Variants in ABCA7 observed in about 807,000 individuals in gnomAD.
ABCA7 encodes the protein ATP binding cassette subfamily A member 7.
A neutral mutation model predicts 227.6 loss-of-function variants in ABCA7; 261 were observed. That is an observed-to-expected ratio of 1.15 (90% CI 1.04 to 1.27). ABCA7 has a LOEUF of 1.27. Ranked by LOEUF, ABCA7 falls within the 50% of genes most tolerant of loss-of-function variation. The probability of loss-of-function intolerance (pLI) is 0.00; values close to 1 mark genes in which losing one functional copy is unlikely to be tolerated. For synonymous variants in ABCA7, 1,488 were observed against 1,279.7 expected, an observed-to-expected ratio of 1.16 and a Z score of -3.47; for missense variants, 3,331 against 2,924.5, an observed-to-expected ratio of 1.14 and a Z score of -3.21.
chr19:1,047,159 G>T lies in ABCA7; in HGVS notation c.1848G>T (p.Leu616=). ...TAAGCTCCCGTTGCCTCTCACAGCT[G>T]GGAGACATCCTCCCCTACAGCCACC... The part of the protein sequence containing the change: ...SAALLVLVLK[L]GDILPYSHPG... Residue 616 remains leucine, a splice_region_variant and synonymous_variant, in exon 15 of 47, where the codon CTG becomes CTT. Coordinates refer to ENST00000263094, the MANE Select transcript of ABCA7 (RefSeq NM_019112.4). 1 of 1,601,546 alleles carries T rather than the reference G, an allele frequency of 6.2e-7. No individual in the cohort carries two copies.
At chr19:1,046,728 G>A (rs563168125) in intron 13 of ABCA7, 74 bp from the exon 14 acceptor site, 16 of 1,427,470 alleles carry the variant, frequency 1.1e-5, no homozygotes, top group Non-Finnish European at 1.4e-5. Context: ...ACACGAACCA[G>A]TCGTGCCAGA....
At position 1,065,073 on chromosome 19, in the gene ABCA7, G is replaced by A; in HGVS notation, c.6187G>A (p.Gly2063Arg). Reference sequence around the variant, plus strand: ...CCTGCGCTTCCAGCTGCCGCCGGGAGGGCGCTGCGCCCTGGCGCGCGTCTT... The same window carrying A: ...CCTGCGCTTCCAGCTGCCGCCGGGAAGGCGCTGCGCCCTGGCGCGCGTCTT... ...GRLRFQLPPG[G>R]RCALARVFGE... is the part of the protein sequence containing the mutation. The change falls in exon 46 of 47, where the codon GGG becomes AGG. Residue 2063 changes from glycine (G) to arginine (R), a missense_variant. Gly to Arg is a moderately radical substitution (Grantham distance 125, BLOSUM62 -2). Coordinates refer to ENST00000263094, the MANE Select transcript of ABCA7 (RefSeq NM_019112.4). The A allele has an allele frequency of 6.4e-7, 1 of 1,567,594 alleles. No homozygotes were observed. The highest frequency in any genetic ancestry group is 8.6e-7 in the Non-Finnish European group (1 of 1,157,834).
At chr19:1,049,481 ACCCCGTGAGCCCCCCCACCACTCCCT>A in intron 18 of ABCA7, 44 bp downstream of exon 18, 1 of 254,352 alleles carries the variant, frequency 3.9e-6, no homozygotes, top group African/African-American at 8.4e-5. Flanking sequence ...CCCCACTCCC[ACCCCGTGAGCCCCCCCACCACTCCCT>A]CCCCGTGAGC....
Position 1,063,643 on chromosome 19 carries a change from C to G in ABCA7, c.5812C>G (p.Leu1938Val), listed in dbSNP as rs1475633133. ...GAACAAACGCAAGCTGGCGACGGCCCTGGCGCTGGTTGGGGACCCAGCCGT... is the reference window on the plus strand; with the variant it reads ...GAACAAACGCAAGCTGGCGACGGCCGTGGCGCTGGTTGGGGACCCAGCCGT... ...GGNKRKLATA[L>V]ALVGDPAVVF... is the part of the protein sequence containing the mutation. The change falls in exon 43 of 47, where the codon CTG becomes GTG. Residue 1938 changes from leucine (L) to valine (V), a missense_variant. Transcript: ENST00000263094. 2 of 1,610,474 alleles carry G rather than the reference C, an allele frequency of 1.2e-6. No individual in the cohort carries two copies. The highest frequency in any genetic ancestry group is 1.3e-5 in the African/African-American group (1 of 75,046).
At position 1,054,614 on chromosome 19, in the gene ABCA7, C is replaced by A. The variant is rs748324986; in HGVS notation, c.3771C>A (p.Ser1257Arg). The A allele has an allele frequency of 6.2e-7, 1 of 1,613,324 alleles. No homozygotes were observed. Among genetic ancestry groups the A allele is most frequent in the East Asian group, 2.2e-5 (1 of 44,868 alleles). The change falls in exon 28 of 47, where the codon AGC becomes AGA. Residue 1257 changes from serine (S) to arginine (R), a missense_variant. Transcript: ENST00000263094. The surrounding 1 kb of genome is among the most constrained non-coding windows in gnomAD (Gnocchi z 4.8). ...ALFVGLALVF[S>R]LIVPPFGHYP... ...TTGTGGGCCTGGCCCTCGTGTTCAG[C>A]CTCATCGTGCCTCCTTTCGGGCACT...
rs1294797669 is a variant in ABCA7, at chr19:1,054,917, G to A, written c.3950+39G>A. ...TTGGCCTGGACCTTTCCCCTCTCTG[G>A]CCTCAGTTTTCCCATCTGGTCCCTG... On this transcript the variant is annotated intron_variant, in intron 29 of 46. Coordinates refer to ENST00000263094, the MANE Select transcript of ABCA7 (RefSeq NM_019112.4). The surrounding 1 kb of genome is among the most constrained non-coding windows in gnomAD (Gnocchi z 4.8). 2 of 1,550,710 alleles carry A rather than the reference G, an allele frequency of 1.3e-6. No homozygotes were observed. Among genetic ancestry groups the A allele is most frequent in the African/African-American group, 2.7e-5 (2 of 73,134 alleles).
intron 6 of ABCA7, 21 bp downstream of exon 6, chr19:1,042,418 C>T (rs748597664): frequency 9.3e-6 from 15 of 1,610,600 alleles, no homozygotes; most frequent in Non-Finnish European, 1.3e-5. Flanking sequence ...GGGGCGGGAC[C>T]GCGCTGACTT....
chr19:1,052,207 C>G lies in ABCA7; in HGVS notation c.3148-7C>G, dbSNP rs555806599. Reference sequence around the variant, plus strand: ...GGCCAAGCCACTTGGTGCCTCTCTGCCCGCAGGCTGACACTGACATGGAGG... The same window carrying G: ...GGCCAAGCCACTTGGTGCCTCTCTGGCCGCAGGCTGACACTGACATGGAGG... On this transcript the variant is annotated splice_region_variant and splice_polypyrimidine_tract_variant and intron_variant, in intron 22 of 46. Transcript: ENST00000263094. The G allele has an allele frequency of 6.3e-7, 1 of 1,591,244 alleles. No homozygotes were observed. The highest frequency in any genetic ancestry group is 8.5e-7 in the Non-Finnish European group (1 of 1,170,034).
rs2042359085 is a variant in ABCA7, at chr19:1,057,530, G to A, written c.4880+101G>A. 28 of 1,203,848 alleles carry A rather than the reference G, an allele frequency of 2.3e-5. 1 individual carries two copies. In the South Asian group the frequency reaches 3.4e-4, roughly 15 times the overall value. 74.6% of individuals were successfully genotyped at this position (1,203,848 alleles called of 1,614,324 possible). A position where few individuals can be genotyped will look rare whatever the true frequency, so the allele number is the denominator to read the frequency against. ...ACTCTGCAGTGACTCCCAAGGAGAGGATATGGAGGTCTGAGGTGATGCCGT... is the reference window on the plus strand; with the variant it reads ...ACTCTGCAGTGACTCCCAAGGAGAGAATATGGAGGTCTGAGGTGATGCCGT... On this transcript the variant is annotated intron_variant, in intron 35 of 46. Coordinates refer to ENST00000263094, the MANE Select transcript of ABCA7 (RefSeq NM_019112.4).
chr19:1,053,865 C>A, intron 25 of ABCA7, 29 bp downstream of exon 25: 1 of 1,603,514 alleles, frequency 6.2e-7, no homozygotes, highest in Admixed American at 1.7e-5. Flanking sequence ...GACCCCTGAC[C>A]CCAGTCCAGA....
In ABCA7 at chr19:1,058,656, G is replaced by A. The variant is rs1210726736; in HGVS notation, c.5188G>A (p.Val1730Ile). ...CCAGTCACCCCTGCGCTGGGAGGTG[G>A]TCGGCAAGAACCTCTTGGCCATGGT... ...QFQSPLRWEV[V>I]GKNLLAMVIQ... Residue 1730 changes from valine (V) to isoleucine (I), a missense_variant, in exon 38 of 47, where the codon GTC becomes ATC. Transcript: ENST00000263094. 35 of 1,613,834 alleles carry A rather than the reference G, an allele frequency of 2.2e-5. No individual in the cohort carries two copies. The highest frequency in any genetic ancestry group is 1.6e-4 in the Middle Eastern group (1 of 6,084).
At chr19:1,044,434 G>C in intron 10 of ABCA7, 143 bp from the exon 11 acceptor site, 1 of 921,270 alleles carries the variant, frequency 1.1e-6, no homozygotes, top group Non-Finnish European at 1.6e-6. Context: ...TTTTAGTAGA[G>C]ATGGGCTTTC....
chr19:1,042,561 GTC>G (rs767104493), intron 6 of ABCA7, 164 bp downstream of exon 6: 3 of 1,038,218 alleles, frequency 2.9e-6, no homozygotes. Context: ...GACAGAGTGT[GTC>G]TGACCCAGTG....
chr19:1,044,460 C>T (rs1599566159), intron 10 of ABCA7, 117 bp from the exon 11 acceptor site: 1 of 1,213,900 alleles, frequency 8.2e-7, no homozygotes, highest in East Asian at 2.5e-5. Context: ...GTTGGCCAGG[C>T]TGGTCTCGAA....
At chr19:1,048,513 A>AAAAAAAAAAAAAAAAAAAC (rs2040972294) in intron 16 of ABCA7, among the ~76,000 whole-genome samples, 2 of 141,490 alleles carry the variant, frequency 1.4e-5, no homozygotes, top group African/African-American at 5.3e-5. Context: ...AAAAAAACAA[A>AAAAAAAAAAAAAAAAAAAC]AAAAAAAAAA....
chr19:1,062,082 T>A, intron 41 of ABCA7, 90 bp from the exon 42 acceptor site: 1 of 1,553,740 alleles, frequency 6.4e-7, no homozygotes, highest in Non-Finnish European at 8.7e-7. Context: ...AGCGTGGCCC[T>A]GGATGGGTGG....
Position 1,041,852 on chromosome 19 carries a change from T to C in ABCA7, c.182T>C (p.Leu61Pro). The C allele has an allele frequency of 6.2e-7, 1 of 1,606,210 alleles. No individual in the cohort carries two copies. Among genetic ancestry groups the C allele is most frequent in the Non-Finnish European group, 8.5e-7 (1 of 1,179,330 alleles). Residue 61 changes from leucine (L) to proline (P), a missense_variant, in exon 4 of 47, where the codon CTG becomes CCG. By Grantham distance (98) the Leu-to-Pro change is moderately conservative (BLOSUM62 -3). Transcript: ENST00000263094. Reference protein sequence around the residue: ...HHECHFPNKPLPSAGTVPWLQ... With the variant: ...HHECHFPNKPPPSAGTVPWLQ... ...GCAGGCCACTTCCCAAACAAGCCAC[T>C]GCCATCGGCGGGCACCGTGCCCTGG...
chr19:1,048,513 A>AAAAAAAAAAAAC (rs2040973382), intron 16 of ABCA7, among the ~76,000 whole-genome samples: 1 of 141,492 alleles, frequency 7.1e-6, no homozygotes, highest in African/African-American at 2.7e-5. Flanking sequence ...AAAAAAACAA[A>AAAAAAAAAAAAC]AAAAAAAAAA....
At chr19:1,055,435 A>G in intron 30 of ABCA7, 84 bp downstream of exon 30, 1 of 1,437,214 alleles carries the variant, frequency 7.0e-7, no homozygotes, top group South Asian at 1.5e-5. Context: ...TGGAGGAGGA[A>G]GTGGAGGGGT....
Sources: gnomAD v4.1 joint callset for allele counts (sites outside exome capture counted in the v4.1 genomes callset) on GRCh38, gnomAD v4.1.1 for gene constraint, Gnocchi (gnomAD v3.1) non-coding constraint, MANE v1.5 for transcripts, NCBI Gene and HGNC (gene_info 2026-07-23, HGNC 2026-07-21) for gene names.